Variants in PRDM16 observed in about 807,000 individuals in gnomAD.
The protein encoded by PRDM16 is histone-lysine N-methyltransferase PRDM16.
In PRDM16, 23 loss-of-function variants were observed where a neutral mutation model predicts 110.6. The ratio of observed to expected loss-of-function variants is 0.21; its 90% CI spans 0.15 to 0.29. PRDM16 has a LOEUF of 0.29. Among genes scored for constraint, PRDM16 ranks in the 10% least tolerant of loss-of-function variants. The pLI is 1.00. For synonymous variants in PRDM16, 799 were observed against 781.8 expected (o/e 1.02, Z -0.37); for missense variants, 1,615 against 1,794.3 (o/e 0.90, Z 1.81).
intron 3 of PRDM16, among the ~76,000 whole-genome samples, chr1:3,342,291 A>G (rs1269371932): frequency 1.3e-5 from 2 of 152,242 alleles, no homozygotes; most frequent in Non-Finnish European, 2.9e-5. Flanking sequence ...TATTTGTGGA[A>G]AGTTCCAGGG....
At chr1:3,347,513 G>A (rs1642385310) in intron 3 of PRDM16, among the ~76,000 whole-genome samples, 1 of 152,238 alleles carries the variant, frequency 6.6e-6, no homozygotes, top group South Asian at 2.1e-4. Context: ...TGCACACTGG[G>A]TGGGAACAAG....
intron 1 of PRDM16, among the ~76,000 whole-genome samples, chr1:3,173,592 C>A (rs1644053120): frequency 6.6e-6 from 1 of 152,148 alleles, no homozygotes; most frequent in Admixed American, 6.5e-5. Context: ...CTTCGTGGAC[C>A]CCAGTGGGAC....
intron 16 of PRDM16, among the ~76,000 whole-genome samples, chr1:3,432,756 G>A (rs1638802637): frequency 6.6e-6 from 1 of 152,220 alleles, no homozygotes; most frequent in African/African-American, 2.4e-5. Flanking sequence ...CTGCGTGTCT[G>A]TCTTTGTCTT....
intron 3 of PRDM16, among the ~76,000 whole-genome samples, chr1:3,336,758 A>G (rs768695124): frequency 1.4e-4 from 21 of 149,802 alleles, no homozygotes; most frequent in Non-Finnish European, 3.0e-4. Flanking sequence ...CTGCATGCAC[A>G]TGTGTGTTGG....
intron 3 of PRDM16, among the ~76,000 whole-genome samples, chr1:3,251,097 G>T (rs1049166528): frequency 4.6e-5 from 7 of 152,254 alleles, no homozygotes; most frequent in African/African-American, 1.7e-4. Context: ...CTCAGACGCT[G>T]CCTTAACCCC....
intron 2 of PRDM16, among the ~76,000 whole-genome samples, chr1:3,187,945 C>T (rs763604785): frequency 6.6e-6 from 1 of 152,208 alleles, no homozygotes; most frequent in Non-Finnish European, 1.5e-5. Flanking sequence ...GCGTACCCCC[C>T]CAACGAGAGG....
chr1:3,430,707 CAG>C (rs1445218728), intron 14 of PRDM16, among the ~76,000 whole-genome samples, 163 bp from the exon 15 acceptor site: 3 of 152,228 alleles, frequency 2.0e-5, no homozygotes, highest in South Asian at 2.1e-4. Flanking sequence ...TCTCACTCTG[CAG>C]AGTCAGTGGC....
intron 1 of PRDM16, among the ~76,000 whole-genome samples, chr1:3,137,034 G>A (rs966183124): frequency 1.3e-5 from 2 of 152,230 alleles, no homozygotes; most frequent in Admixed American, 6.5e-5. Context: ...CAGATGGGGT[G>A]GGTGAAAGGA....
In PRDM16 at chr1:3,379,126, C is replaced by T. The variant is rs1160269674; in HGVS notation, c.439-6026C>T. Among the ~76,000 whole-genome samples the T allele has an allele frequency of 3.7e-5, 5 of 136,644 alleles. No individual in the cohort carries two copies. In the Middle Eastern group the frequency reaches 0.012, roughly 323 times the overall value. 89.6% of individuals were successfully genotyped at this position (136,644 alleles called of 152,430 possible). On this transcript the variant is annotated intron_variant, in intron 3 of 16. Transcript: ENST00000270722. ...CCCGGTGCACCCCCCCAACTCACCC[C>T]TCCCAACACACCCCTCCCAGCACAC...
chr1:3,411,573 C>T lies in PRDM16; in HGVS notation c.1376C>T (p.Pro459Leu), dbSNP rs766003870. 42 of 1,613,952 alleles carry T rather than the reference C, an allele frequency of 2.6e-5. No homozygotes were observed. Among genetic ancestry groups the T allele is most frequent in the East Asian group, 4.5e-5 (2 of 44,890 alleles). Residue 459 changes from proline (P) to leucine (L), a missense_variant, in exon 9 of 17, where the codon CCG becomes CTG. Coordinates refer to ENST00000270722, the MANE Select transcript of PRDM16 (RefSeq NM_022114.4). ...TACACGCCGGGCGGCATCTTTGCCC[C>T]GGGCCTGCCCTTGACCCCCAGCCCC... is the stretch of plus-strand genomic sequence containing the variant. ...NHYTPGGIFA[P>L]GLPLTPSPMM...
chr1:3,232,577 C>T (rs1206879724), intron 2 of PRDM16, among the ~76,000 whole-genome samples: 1 of 152,126 alleles, frequency 6.6e-6, no homozygotes, highest in Admixed American at 6.5e-5. Context: ...CAAATGCTTG[C>T]TTCGTGAGTA....
intron 1 of PRDM16, among the ~76,000 whole-genome samples, chr1:3,144,140 T>A (rs1205502077): frequency 6.6e-6 from 1 of 152,102 alleles, no homozygotes; most frequent in Non-Finnish European, 1.5e-5. Context: ...GACCCAGCAC[T>A]ATGGGAGGGA....
intron 3 of PRDM16, among the ~76,000 whole-genome samples, chr1:3,305,053 A>C (rs922490669): frequency 2.6e-5 from 4 of 152,150 alleles, no homozygotes; most frequent in African/African-American, 9.7e-5. Context: ...TGGGTGGTTG[A>C]GAAACACACA....
Position 3,173,939 on chromosome 1 carries a change from G to A in PRDM16, c.38-12186G>A, listed in dbSNP as rs569788355. 5.3e-5 allele frequency among the ~76,000 whole-genome samples: 8 copies of A among 152,368 alleles called. No homozygotes were observed. The Middle Eastern group carries it at 0.014, about 259-fold the overall frequency. On this transcript the variant is annotated intron_variant, in intron 1 of 16. Coordinates refer to ENST00000270722, the MANE Select transcript of PRDM16 (RefSeq NM_022114.4). The stretch of plus-strand genomic sequence containing the variant: ...CTGGCAAGGAGGGTCATGTGTTCTC[G>A]GCCGGGCCCGTGCTATGGCCCGTGC...
rs1401251958 is a variant in PRDM16, at chr1:3,081,579, C to A, written c.37+12283C>A. Among the ~76,000 whole-genome samples, 4 of 152,156 alleles carry A rather than the reference C, an allele frequency of 2.6e-5. No individual in the cohort carries two copies. Among genetic ancestry groups the A allele is most frequent in the Admixed American group, 2.6e-4 (4 of 15,286 alleles). ...TGCTTGGCATCACCTACAGGGATGG[C>A]GGCGGCCAGGGTTGGTCTTCCTTCT... On this transcript the variant is annotated intron_variant, in intron 1 of 16. Coordinates refer to ENST00000270722, the MANE Select transcript of PRDM16 (RefSeq NM_022114.4). This position sits in a 1 kb window ranked among gnomAD's most constrained non-coding sequence, Gnocchi z 4.6.
At chr1:3,314,178 G>A (rs1641542950) in intron 3 of PRDM16, among the ~76,000 whole-genome samples, 1 of 151,868 alleles carries the variant, frequency 6.6e-6, no homozygotes, top group Non-Finnish European at 1.5e-5. Flanking sequence ...GGGTTTCCAG[G>A]ACCGTGACAA....
intron 1 of PRDM16, among the ~76,000 whole-genome samples, chr1:3,088,304 T>A (rs1369933612): frequency 6.6e-6 from 1 of 151,686 alleles, no homozygotes; most frequent in Non-Finnish European, 1.5e-5. Context: ...ATAATAATAA[T>A]AAAAATCCTC....
In PRDM16 at chr1:3,201,878, G is replaced by T. The variant is rs1638637597; in HGVS notation, c.387+15404G>T. 6.6e-6 allele frequency among the ~76,000 whole-genome samples: 1 copy of T among 152,222 alleles called. No individual in the cohort carries two copies. The highest frequency in any genetic ancestry group is 2.4e-5 in the African/African-American group (1 of 41,456). On this transcript the variant is annotated intron_variant, in intron 2 of 16. Coordinates refer to ENST00000270722, the MANE Select transcript of PRDM16 (RefSeq NM_022114.4). This position sits in a 1 kb window ranked among gnomAD's most constrained non-coding sequence, Gnocchi z 4.1. ...GCTTCCCAGATCCCACATGAGCTTA[G>T]GCGCTGACTCCACCTCTCGGAGGGA...
At chr1:3,360,830 G>A (rs1642699230) in intron 3 of PRDM16, among the ~76,000 whole-genome samples, 1 of 152,216 alleles carries the variant, frequency 6.6e-6, no homozygotes, top group Non-Finnish European at 1.5e-5. Context: ...CTCCCAGCAG[G>A]ACCCCCTGAC....
Sources: allele counts gnomAD v4.1 joint callset (sites outside exome capture counted in the v4.1 genomes callset), GRCh38; gene constraint gnomAD v4.1.1; non-coding constraint Gnocchi (gnomAD v3.1); transcripts MANE v1.5; gene names NCBI Gene and HGNC (gene_info 2026-07-23, HGNC 2026-07-21).